Variants in SCN8A observed in about 807,000 individuals in gnomAD.
The protein encoded by SCN8A is sodium voltage-gated channel alpha subunit 8, also known as sodium channel protein type 8 subunit alpha.
In SCN8A, 30 loss-of-function variants were observed where a neutral mutation model predicts 184.1. That is an observed-to-expected ratio of 0.16 (90% CI 0.12 to 0.22). The LOEUF is 0.22. SCN8A is among the 10% of genes least tolerant of loss of function. SCN8A has a pLI of 1.00. For synonymous variants in SCN8A, 852 were observed against 907.0 expected, an observed-to-expected ratio of 0.94 and a Z score of 1.09; for missense variants, 1,057 against 2,498.9, an observed-to-expected ratio of 0.42 and a Z score of 12.30.
chr12:51,732,378 G>A (rs767839765), intron 12 of SCN8A, among the ~76,000 whole-genome samples: 1 of 152,292 alleles, frequency 6.6e-6, no homozygotes, highest in African/African-American at 2.4e-5. Context: ...TGAGTTCACT[G>A]TAGGTGTGTG....
intron 11 of SCN8A, among the ~76,000 whole-genome samples, chr12:51,707,783 T>C (rs2138752890): frequency 6.6e-6 from 1 of 152,366 alleles, no homozygotes; most frequent in South Asian, 2.1e-4. Flanking sequence ...TGTACTAACG[T>C]GCATTCCCAC....
At chr12:51,612,253 C>T (rs11830304) in intron 1 of SCN8A, among the ~76,000 whole-genome samples, 4,497 of 152,282 alleles carry the variant, frequency 0.03, 242 homozygotes, top group African/African-American at 0.1. Flanking sequence ...CCTCTACCTC[C>T]CAGGCTTGAG....
rs66672221 is a variant in SCN8A, at chr12:51,788,287, C to CTTTTTTTTTTTTTT, written c.4228-400_4228-387dup. On this transcript the variant is annotated intron_variant, in intron 22 of 26. Transcript: ENST00000627620. The stretch of plus-strand genomic sequence containing the variant: ...TTTTCCAACCCCCATCGCTTAACAC[C>CTTTTTTTTTTTTTT]TTTTTTTTTTTTTTTTTTTTTGCTT... Among the ~76,000 whole-genome samples, 589 of 83,966 alleles carry CTTTTTTTTTTTTTT rather than the reference C, an allele frequency of 7.0e-3. 8 individuals are homozygous for CTTTTTTTTTTTTTT. The highest frequency in any genetic ancestry group is 0.028 in the African/African-American group (556 of 20,058). 55.1% of individuals were successfully genotyped at this position (83,966 alleles called of 152,430 possible).
At chr12:51,663,741 T>C (rs997530883) in intron 2 of SCN8A, among the ~76,000 whole-genome samples, 14 of 152,116 alleles carry the variant, frequency 9.2e-5, no homozygotes, top group Non-Finnish European at 1.9e-4. Flanking sequence ...TCAAACTTCC[T>C]GAACAAATAT....
chr12:51,635,674 C>T lies in SCN8A; in HGVS notation c.-54-27090C>T, dbSNP rs139228456. Among the ~76,000 whole-genome samples, 1,440 of 151,936 alleles carry T rather than the reference C, an allele frequency of 9.5e-3. 20 individuals carry two copies. The highest frequency in any genetic ancestry group is 0.031 in the African/African-American group (1,302 of 41,414). The stretch of plus-strand genomic sequence containing the variant: ...AAAGCCAGAGCTTTAGATGCTGGTG[C>T]CTTACTAGAAATAATGAATGAGAAA... On this transcript the variant is annotated intron_variant, in intron 1 of 26. Coordinates refer to ENST00000627620, the MANE Select transcript of SCN8A (RefSeq NM_001330260.2).
intron 15 of SCN8A, among the ~76,000 whole-genome samples, chr12:51,765,261 T>C (rs1196799409): frequency 6.6e-6 from 1 of 151,558 alleles, no homozygotes; most frequent in African/African-American, 2.4e-5. Flanking sequence ...AGGAGATGGA[T>C]TTTTTTTTAA....
At chr12:51,762,161 A>G (rs1391693217) in intron 14 of SCN8A, among the ~76,000 whole-genome samples, 1 of 152,210 alleles carries the variant, frequency 6.6e-6, no homozygotes, top group Non-Finnish European at 1.5e-5. Flanking sequence ...CAAGTATTAT[A>G]TACATTCAAA....
At chr12:51,634,930 G>A (rs187321495) in intron 1 of SCN8A, among the ~76,000 whole-genome samples, 10 of 152,178 alleles carry the variant, frequency 6.6e-5, no homozygotes, top group Non-Finnish European at 1.0e-4. Context: ...GATTACAGGC[G>A]TGAGCCACCA....
chr12:51,744,092 A>G (rs1942470327), intron 12 of SCN8A, among the ~76,000 whole-genome samples: 2 of 152,212 alleles, frequency 1.3e-5, no homozygotes, highest in African/African-American at 4.8e-5. Context: ...ACTTGAGGCC[A>G]GGAGTTCCAG....
At chr12:51,753,488 A>G (rs758928480) in intron 14 of SCN8A, among the ~76,000 whole-genome samples, 5 of 152,210 alleles carry the variant, frequency 3.3e-5, no homozygotes, top group South Asian at 2.1e-4. Context: ...GGAGATGCCA[A>G]ATAAGGAAGT....
At chr12:51,632,811 C>A (rs905288374) in intron 1 of SCN8A, among the ~76,000 whole-genome samples, 1 of 152,062 alleles carries the variant, frequency 6.6e-6, no homozygotes, top group African/African-American at 2.4e-5. Flanking sequence ...TTGAACAAGC[C>A]TTTTTTGTTC....
chr12:51,644,329 AG>A (rs922608820), intron 1 of SCN8A, among the ~76,000 whole-genome samples: 1 of 152,192 alleles, frequency 6.6e-6, no homozygotes, highest in African/African-American at 2.4e-5. Context: ...CGTAGAGCAA[AG>A]TTACTTAACC....
chr12:51,786,494 T>C (rs1938089038), intron 21 of SCN8A, 48 bp from the exon 22 acceptor site: 1 of 1,603,934 alleles, frequency 6.2e-7, no homozygotes, highest in African/African-American at 1.3e-5. Context: ...AAAAATGTGC[T>C]TGCTCTCATT....
chr12:51,759,166 G>C (rs1486955435), intron 14 of SCN8A, among the ~76,000 whole-genome samples: 1 of 151,910 alleles, frequency 6.6e-6, no homozygotes, highest in Non-Finnish European at 1.5e-5. Context: ...TCAAGTAAGA[G>C]AAATGATTGA....
intron 1 of SCN8A, among the ~76,000 whole-genome samples, chr12:51,646,409 T>C (rs1024025146): frequency 8.5e-5 from 13 of 152,216 alleles, no homozygotes; most frequent in Non-Finnish European, 1.8e-4. Context: ...CTAGTAAAAC[T>C]TGACTTACAG....
At chr12:51,626,892 A>C (rs1592337850) in intron 1 of SCN8A, among the ~76,000 whole-genome samples, 1 of 151,778 alleles carries the variant, frequency 6.6e-6, no homozygotes, top group East Asian at 1.9e-4. Context: ...TGGATTATGG[A>C]TTTGAGTTTT....
chr12:51,754,414 TCTC>T (rs1456317933), intron 14 of SCN8A, among the ~76,000 whole-genome samples: 1 of 152,000 alleles, frequency 6.6e-6, no homozygotes, highest in African/African-American at 2.4e-5. Flanking sequence ...ACAAGTACAT[TCTC>T]CTACATAACC....
At chr12:51,598,318 G>A (rs1939392800) in intron 1 of SCN8A, among the ~76,000 whole-genome samples, 1 of 152,114 alleles carries the variant, frequency 6.6e-6, no homozygotes, top group Non-Finnish European at 1.5e-5. Flanking sequence ...ATTCCTTTGG[G>A]TACACCTCCG....
chr12:51,681,359 G>C (rs1469501816), intron 2 of SCN8A, among the ~76,000 whole-genome samples: 3 of 152,198 alleles, frequency 2.0e-5, no homozygotes, highest in Non-Finnish European at 2.9e-5. Flanking sequence ...CTTTTGTTAA[G>C]TGTATAGAGG....
Sources: gnomAD v4.1 joint callset for allele counts (sites outside exome capture counted in the v4.1 genomes callset) on GRCh38, gnomAD v4.1.1 for gene constraint, MANE v1.5 for transcripts, NCBI Gene and HGNC (gene_info 2026-07-23, HGNC 2026-07-21) for gene names.